Variants in MMP26 observed in about 807,000 individuals in gnomAD.
The protein encoded by MMP26 is matrix metallopeptidase 26, also known as matrix metalloproteinase-26.
Under a neutral mutation model 31.0 loss-of-function variants are expected in MMP26, and 33 were observed. That is an observed-to-expected ratio of 1.06 (90% CI 0.81 to 1.42). The LOEUF (loss-of-function observed/expected upper bound fraction) is 1.42. MMP26 is among the 40% of genes most tolerant of loss of function. The probability of loss-of-function intolerance (pLI) is 0.00; values close to 1 mark genes in which losing one functional copy is unlikely to be tolerated. For synonymous variants in MMP26, 122 were observed against 114.9 expected (o/e 1.06, Z -0.40); for missense variants, 347 against 316.1 (o/e 1.10, Z -0.74).
intron 2 of MMP26, among the ~76,000 whole-genome samples, chr11:4,784,420 G>C (rs68127593): frequency 6.6e-6 from 1 of 152,162 alleles, no homozygotes; most frequent in Non-Finnish European, 1.5e-5. Flanking sequence ...ATATAACCTT[G>C]TTTGGAAAAG....
intron 2 of MMP26, chr11:4,803,393 G>C (rs1288738389): frequency 1.1e-5 from 14 of 1,289,028 alleles, no homozygotes; most frequent in South Asian, 4.1e-5. Flanking sequence ...CCCCACATTA[G>C]TGGGGCAATG....
chr11:4,778,541 G>A (rs1247699398), intron 2 of MMP26, among the ~76,000 whole-genome samples: 1 of 151,894 alleles, frequency 6.6e-6, no homozygotes, highest in Non-Finnish European at 1.5e-5. Context: ...ATGCTTTGAT[G>A]CCTGGTATTA....
rs116804050 is a variant in MMP26, at chr11:4,970,591, T to C, written c.-144-17477T>C. Reference sequence around the variant, plus strand: ...TGTGGAGGCTGTGGTGAGGCTATTCTGGGGATGGAGGTGCCAGGTGGGCCA... The same window carrying C: ...TGTGGAGGCTGTGGTGAGGCTATTCCGGGGATGGAGGTGCCAGGTGGGCCA... On this transcript the variant is annotated intron_variant, in intron 2 of 7. Coordinates refer to ENST00000380390, the MANE Select transcript of MMP26 (RefSeq NM_021801.5). Among the ~76,000 whole-genome samples the C allele has an allele frequency of 4.3e-3, 662 of 152,310 alleles. 6 individuals are homozygous for C. The highest frequency in any genetic ancestry group is 5.5e-3 in the Non-Finnish European group (374 of 68,016).
chr11:4,817,695 T>G (rs983422053), intron 2 of MMP26, among the ~76,000 whole-genome samples: 1 of 152,088 alleles, frequency 6.6e-6, no homozygotes, highest in Non-Finnish European at 1.5e-5. Context: ...GATAATGCAA[T>G]AATTAAAAGG....
intron 2 of MMP26, among the ~76,000 whole-genome samples, chr11:4,770,652 G>A (rs1848703691): frequency 6.6e-6 from 1 of 152,080 alleles, no homozygotes; most frequent in Non-Finnish European, 1.5e-5. Context: ...AGATCATCCT[G>A]GCCAACATGG....
rs566894402 is a variant in MMP26 at position 4,728,952 on chromosome 11, T to G, written c.-217+23907T>G. On this transcript the variant is annotated intron_variant, in intron 1 of 7. Coordinates refer to ENST00000380390, the MANE Select transcript of MMP26 (RefSeq NM_021801.5). ...TTTTGAGATCATGCACGTTGATGTA[T>G]ATAATATTTATATAATTATATATGG... Among the ~76,000 whole-genome samples the G allele has an allele frequency of 6.6e-5, 10 of 151,876 alleles. No homozygotes were observed. The South Asian group carries it at 1.4e-3, about 22-fold the overall frequency.
At chr11:4,714,522 C>T (rs138153351) in intron 1 of MMP26, among the ~76,000 whole-genome samples, 229 of 152,324 alleles carry the variant, frequency 1.5e-3, no homozygotes, top group Admixed American at 2.5e-3. Context: ...ACGTCCCACA[C>T]ACTGGTCAGC....
At chr11:4,969,633 G>A (rs542454207) in intron 2 of MMP26, among the ~76,000 whole-genome samples, 10 of 152,068 alleles carry the variant, frequency 6.6e-5, no homozygotes, top group African/African-American at 2.4e-4. Flanking sequence ...CATACATAAA[G>A]TATTTATATT....
At chr11:4,964,764 G>A (rs536959323) in intron 2 of MMP26, among the ~76,000 whole-genome samples, 5 of 152,176 alleles carry the variant, frequency 3.3e-5, no homozygotes, top group South Asian at 2.1e-4. Flanking sequence ...CATGTCCTTC[G>A]CAGCGACAAG....
chr11:4,975,626 C>G (rs1044934758), intron 2 of MMP26, among the ~76,000 whole-genome samples: 9 of 151,962 alleles, frequency 5.9e-5, no homozygotes, highest in Admixed American at 5.2e-4. Context: ...GAATGTGCAC[C>G]TTTCGCTGCT....
intron 2 of MMP26, chr11:4,882,553 C>A (rs1472996618): frequency 6.2e-7 from 1 of 1,613,876 alleles, no homozygotes; most frequent in Non-Finnish European, 8.5e-7. Context: ...TTATTCTTTT[C>A]TCCTATGTCC....
In MMP26 at chr11:4,923,965, G is replaced by T. The variant is rs756013017; in HGVS notation, c.-144-64103G>T. Reference sequence around the variant, plus strand: ...CATGCAGTGGGTTGCAGACGGCCACGTAGCGGTCAATGGACATGGATAACA... The same window carrying T: ...CATGCAGTGGGTTGCAGACGGCCACTTAGCGGTCAATGGACATGGATAACA... On this transcript the variant is annotated intron_variant, in intron 2 of 7. Transcript: ENST00000380390. The T allele has an allele frequency of 3.3e-5, 53 of 1,613,974 alleles. No individual in the cohort carries two copies. In the African/African-American group the frequency reaches 5.7e-4, roughly 17 times the overall value.
intron 2 of MMP26, among the ~76,000 whole-genome samples, chr11:4,957,070 A>G (rs1846453890): frequency 6.6e-6 from 1 of 152,170 alleles, no homozygotes; most frequent in Non-Finnish European, 1.5e-5. Context: ...TAAGATAGCA[A>G]CTCAGGTCTG....
intron 1 of MMP26, among the ~76,000 whole-genome samples, chr11:4,734,847 T>TATAAGCAGGGCATAGGCAGAATAGCATCG (rs1283235627): frequency 1.3e-3 from 78 of 59,808 alleles, no homozygotes; most frequent in Middle Eastern, 0.011. Flanking sequence ...TAGCATATTT[T>TATAAGCAGGGCATAGGCAGAATAGCATCG]CAGCTTGTAT....
At position 4,804,236 on chromosome 11, in the gene MMP26, G is replaced by A. The variant is rs1174373546; in HGVS notation, c.-145+36895G>A. 3.7e-6 allele frequency: 6 copies of A among 1,613,882 alleles called. No homozygotes were observed. In the Admixed American group the frequency reaches 5.0e-5, roughly 13 times the overall value. ...GTGTGGTCAATTCTGATTACATGGA[G>A]GAGAGTGATATTTCCAACAACAGCC... On this transcript the variant is annotated intron_variant, in intron 2 of 7. Transcript: ENST00000380390.
intron 2 of MMP26, among the ~76,000 whole-genome samples, chr11:4,779,220 A>G (rs1174136683): frequency 1.3e-5 from 2 of 152,058 alleles, no homozygotes; most frequent in African/African-American, 2.4e-5. Context: ...TTCAACATTA[A>G]GTATGATTTT....
At chr11:4,946,555 G>A (rs772324750) in intron 2 of MMP26, 7 of 1,594,944 alleles carry the variant, frequency 4.4e-6, no homozygotes, top group Non-Finnish European at 6.0e-6. Context: ...CATCCTGGTG[G>A]AGACAGTAGG....
Position 4,763,769 on chromosome 11 carries a change from T to C in MMP26, c.-216-3501T>C, listed in dbSNP as rs571099515. Among the ~76,000 whole-genome samples, 9 of 152,342 alleles carry C rather than the reference T, an allele frequency of 5.9e-5. No homozygotes were observed. The South Asian group carries it at 1.7e-3, about 28-fold the overall frequency. On this transcript the variant is annotated intron_variant, in intron 1 of 7. Transcript: ENST00000380390. ...GAGTAAGGAAACACAGACAAGCTGC[T>C]GTAGATTTTTTGTAGATGATTTTGC...
chr11:4,848,485 A>G lies in MMP26; in HGVS notation c.-145+81144A>G, dbSNP rs1849911679. On this transcript the variant is annotated intron_variant, in intron 2 of 7. Coordinates refer to ENST00000380390, the MANE Select transcript of MMP26 (RefSeq NM_021801.5). ...GCAGCACAGGTTTGACCAGCCTTCC[A>G]GCGATCCTCTCTGGACTCCACACCT... The G allele has an allele frequency of 9.3e-6, 15 of 1,613,616 alleles. No homozygotes were observed. In the East Asian group the frequency reaches 3.1e-4, roughly 34 times the overall value.
Sources: gnomAD v4.1 joint callset for allele counts (sites outside exome capture counted in the v4.1 genomes callset) on GRCh38, gnomAD v4.1.1 for gene constraint, MANE v1.5 for transcripts, NCBI Gene and HGNC (gene_info 2026-07-23, HGNC 2026-07-21) for gene names.